Variants in PCDH15 observed in about 807,000 individuals in gnomAD.
The protein encoded by PCDH15 is protocadherin related 15.
Under a neutral mutation model 178.5 loss-of-function variants are expected in PCDH15, and 129 were observed. The ratio of observed to expected loss-of-function variants is 0.72; its 90% CI spans 0.63 to 0.84. The LOEUF is 0.84. Ranked by LOEUF, PCDH15 falls within the 40% of genes least tolerant of loss-of-function variation. PCDH15 has a pLI of 0.00. For synonymous variants in PCDH15, 800 were observed against 732.0 expected (o/e 1.09, Z -1.50); for missense variants, 2,230 against 2,099.9 (o/e 1.06, Z -1.21).
chr10:54,808,248 G>C (rs1282461364), intron 3 of PCDH15, among the ~76,000 whole-genome samples: 1 of 152,092 alleles, frequency 6.6e-6, no homozygotes, highest in Non-Finnish European at 1.5e-5. Context: ...AATTTATTCT[G>C]TCTGTCATTC....
At chr10:55,209,698 T>C (rs1473598752) in intron 1 of PCDH15, among the ~76,000 whole-genome samples, 1 of 152,068 alleles carries the variant, frequency 6.6e-6, no homozygotes, top group African/African-American at 2.4e-5. Flanking sequence ...ACTAGACTAA[T>C]AGAATTGAGA....
At chr10:54,419,608 C>A (rs1336903685) in intron 3 of PCDH15, among the ~76,000 whole-genome samples, 3 of 152,092 alleles carry the variant, frequency 2.0e-5, no homozygotes, top group Admixed American at 6.6e-5. Context: ...AAATTCTTGA[C>A]TCAAGACATT....
chr10:55,317,634 A>T (rs1843759629), intron 1 of PCDH15, among the ~76,000 whole-genome samples: 1 of 152,132 alleles, frequency 6.6e-6, no homozygotes, highest in Non-Finnish European at 1.5e-5. Flanking sequence ...ATTTGGACAG[A>T]ACTCTCTCAT....
chr10:54,213,463 C>A (rs1002579974), intron 10 of PCDH15, among the ~76,000 whole-genome samples: 1 of 152,028 alleles, frequency 6.6e-6, no homozygotes, highest in Non-Finnish European at 1.5e-5. Context: ...TTGAAAGCAT[C>A]TTTGGATAGG....
chr10:54,009,422 T>C (rs1183021892), intron 20 of PCDH15, among the ~76,000 whole-genome samples: 1 of 151,440 alleles, frequency 6.6e-6, no homozygotes, highest in African/African-American at 2.4e-5. Flanking sequence ...AGTTTAGAGG[T>C]GGAAACAGTA....
intron 1 of PCDH15, among the ~76,000 whole-genome samples, chr10:55,256,983 C>T (rs1363912526): frequency 6.6e-6 from 1 of 152,182 alleles, no homozygotes; most frequent in Non-Finnish European, 1.5e-5. Context: ...CGAGTAGGGG[C>T]AGACTGACAC....
intron 2 of PCDH15, among the ~76,000 whole-genome samples, chr10:55,470,269 C>T (rs892334913): frequency 2.6e-5 from 4 of 151,830 alleles, no homozygotes; most frequent in African/African-American, 9.7e-5. Context: ...TCTCGTGAAC[C>T]CAGGAGGCAG....
chr10:55,159,487 A>G (rs1427162448), intron 2 of PCDH15, among the ~76,000 whole-genome samples: 1 of 149,628 alleles, frequency 6.7e-6, no homozygotes, highest in Non-Finnish European at 1.5e-5. Flanking sequence ...GTACACACAC[A>G]CATACACACA....
chr10:55,361,814 A>C (rs779794930), intron 2 of PCDH15, among the ~76,000 whole-genome samples: 1 of 152,074 alleles, frequency 6.6e-6, no homozygotes, highest in Non-Finnish European at 1.5e-5. Flanking sequence ...ATTTCATTAC[A>C]AATGTACAGT....
intron 2 of PCDH15, among the ~76,000 whole-genome samples, chr10:55,428,026 C>A (rs915538005): frequency 4.6e-5 from 7 of 152,070 alleles, no homozygotes; most frequent in Middle Eastern, 3.5e-3. Flanking sequence ...CATATGACTT[C>A]AATTATTTTA....
chr10:53,964,669 C>A (rs1448498402), intron 21 of PCDH15, among the ~76,000 whole-genome samples: 1 of 151,974 alleles, frequency 6.6e-6, no homozygotes, highest in Non-Finnish European at 1.5e-5. Flanking sequence ...TAGGGAACTG[C>A]CAGTTCTGGG....
chr10:54,734,955 C>G (rs182292095), intron 1 of PCDH15, among the ~76,000 whole-genome samples: 1 of 151,876 alleles, frequency 6.6e-6, no homozygotes, highest in Non-Finnish European at 1.5e-5. Flanking sequence ...GGTTACAAGA[C>G]TACATGTTTG....
At chr10:54,021,906 A>T (rs2092931922) in intron 19 of PCDH15, among the ~76,000 whole-genome samples, 1 of 151,984 alleles carries the variant, frequency 6.6e-6, no homozygotes, top group Non-Finnish European at 1.5e-5. Flanking sequence ...CATACTGAAG[A>T]CATGTTTGTT....
At chr10:54,505,873 TCTAA>T (rs747110271) in intron 3 of PCDH15, among the ~76,000 whole-genome samples, 16 of 152,138 alleles carry the variant, frequency 1.1e-4, no homozygotes, top group African/African-American at 1.7e-4. Context: ...TGAAAGTTGA[TCTAA>T]CTAAGATACA....
chr10:53,951,378 T>C (rs2087026528), intron 23 of PCDH15, among the ~76,000 whole-genome samples: 2 of 132,374 alleles, frequency 1.5e-5, no homozygotes, highest in Admixed American at 1.9e-4. Context: ...AGGTGGAGGA[T>C]GTTTCAACAA....
chr10:54,569,902 A>AGAT (rs2089559770), intron 2 of PCDH15, among the ~76,000 whole-genome samples: 1 of 152,174 alleles, frequency 6.6e-6, no homozygotes, highest in Admixed American at 6.6e-5. Context: ...TTGAAGTCAG[A>AGAT]GATTACATTG....
chr10:55,533,986 ACTCC>A (rs766327305), intron 2 of PCDH15, among the ~76,000 whole-genome samples: 16 of 152,134 alleles, frequency 1.1e-4, no homozygotes, highest in Non-Finnish European at 2.4e-4. Context: ...TGGGGAATGG[ACTCC>A]CTATTCAATA....
At chr10:54,859,492 C>T (rs1487937190) in intron 3 of PCDH15, among the ~76,000 whole-genome samples, 1 of 151,966 alleles carries the variant, frequency 6.6e-6, no homozygotes, top group Non-Finnish European at 1.5e-5. Flanking sequence ...AAATTCATCT[C>T]ATTTTGTACA....
intron 9 of PCDH15, among the ~76,000 whole-genome samples, chr10:54,229,161 C>G (rs758618540): frequency 5.3e-5 from 8 of 152,180 alleles, no homozygotes; most frequent in Non-Finnish European, 1.2e-4. Flanking sequence ...CATTCCTCTG[C>G]TAAAACAGCT....
Sources: gnomAD v4.1 joint callset for allele counts (sites outside exome capture counted in the v4.1 genomes callset) on GRCh38, gnomAD v4.1.1 for gene constraint, MANE v1.5 for transcripts, NCBI Gene and HGNC (gene_info 2026-07-23, HGNC 2026-07-21) for gene names.